The following GSE1 variants were observed in gnomAD, a reference collection of about 807,000 sequenced individuals.
The protein encoded by GSE1 is Gse1 coiled-coil protein.
Under a neutral mutation model 112.6 loss-of-function variants are expected in GSE1, and 32 were observed. That is an observed-to-expected ratio of 0.28 (90% CI 0.21 to 0.38). The LOEUF is 0.38. Ranked by LOEUF, GSE1 falls within the 10% of genes least tolerant of loss-of-function variation. GSE1 has a pLI of 1.00. For missense variants in GSE1, 2,348 were observed against 1,699.2 expected, an observed-to-expected ratio of 1.38 and a Z score of -6.71; for synonymous variants, 1,115 against 735.6, an observed-to-expected ratio of 1.52 and a Z score of -8.35.
At chr16:85,523,084 G>A (rs532229081) in intron 2 of GSE1, among the ~76,000 whole-genome samples, 1 of 151,808 alleles carries the variant, frequency 6.6e-6, no homozygotes, top group East Asian at 1.9e-4. Flanking sequence ...TGTTGTGTGT[G>A]GCCTGTGTGT....
chr16:85,509,120 A>G (rs1376688956), intron 2 of GSE1, among the ~76,000 whole-genome samples: 1 of 152,218 alleles, frequency 6.6e-6, no homozygotes, highest in African/African-American at 2.4e-5. Context: ...AGACACGGAC[A>G]AAGGCTGGAA....
intron 1 of GSE1, among the ~76,000 whole-genome samples, chr16:85,219,763 G>T (rs2075361188): frequency 6.6e-6 from 1 of 152,192 alleles, no homozygotes; most frequent in South Asian, 2.1e-4. Context: ...CCTTCTGCAA[G>T]CCACAGCCCC....
intron 2 of GSE1, among the ~76,000 whole-genome samples, chr16:85,514,898 T>C (rs2051874845): frequency 6.6e-6 from 1 of 152,112 alleles, no homozygotes; most frequent in African/African-American, 2.4e-5. Context: ...TGCATGCACA[T>C]GTGCGTGTGT....
intron 2 of GSE1, among the ~76,000 whole-genome samples, chr16:85,509,286 G>A (rs556780224): frequency 3.3e-5 from 5 of 152,344 alleles, no homozygotes; most frequent in Admixed American, 6.5e-5. Context: ...AGTCCTGGTC[G>A]TGGGAAGGCA....
rs2048356055 is a variant in GSE1 at position 85,408,009 on chromosome 16, A to G, written c.2464+50366A>G. On this transcript the variant is annotated intron_variant, in intron 2 of 2. Transcript: ENST00000637419. ...CTGTTACACTCAGGGCCCCCTGGAT[A>G]ATCCTCACTGTTACACTCAGGGCCC... 3.8e-5 allele frequency among the ~76,000 whole-genome samples: 2 copies of G among 52,630 alleles called. 1 individual carries two copies. Among genetic ancestry groups the G allele is most frequent in the South Asian group, 1.9e-3 (2 of 1,080 alleles). The allele number at this position is 52,630 out of a possible 152,430, so 34.5% of individuals were successfully genotyped here.
chr16:85,351,083 AG>A (rs2046842207), intron 1 of GSE1, among the ~76,000 whole-genome samples: 1 of 152,144 alleles, frequency 6.6e-6, no homozygotes, highest in African/African-American at 2.4e-5. Flanking sequence ...CAAGGCCTGG[AG>A]GGGTGAATCA....
At chr16:85,227,788 T>C (rs576610812) in intron 1 of GSE1, among the ~76,000 whole-genome samples, 6 of 152,284 alleles carry the variant, frequency 3.9e-5, no homozygotes, top group Admixed American at 6.5e-5. Context: ...GATTGATGGG[T>C]TGACTGATTG....
At chr16:85,322,726 C>A (rs2046137255) in intron 1 of GSE1, among the ~76,000 whole-genome samples, 1 of 151,726 alleles carries the variant, frequency 6.6e-6, no homozygotes, top group Admixed American at 6.6e-5. Flanking sequence ...AGCGATTCTC[C>A]TGCGTCAGCC....
intron 1 of GSE1, among the ~76,000 whole-genome samples, chr16:85,194,616 T>C (rs962608198): frequency 6.6e-6 from 1 of 152,134 alleles, no homozygotes; most frequent in South Asian, 2.1e-4. Flanking sequence ...GTTGGGATTT[T>C]TTTTCCCCCT....
At chr16:85,596,962 G>T (rs1017353140) in intron 1 of GSE1, among the ~76,000 whole-genome samples, 3 of 150,450 alleles carry the variant, frequency 2.0e-5, no homozygotes, top group Non-Finnish European at 2.9e-5. Context: ...CTTTGTAGTT[G>T]TTTTTTTGTT....
chr16:85,569,995 A>C (rs1188744522), intron 1 of GSE1, among the ~76,000 whole-genome samples: 1 of 152,098 alleles, frequency 6.6e-6, no homozygotes, highest in Non-Finnish European at 1.5e-5. Context: ...GAGAAAAGTG[A>C]GGTTTCTGGT....
At chr16:85,454,359 G>C (rs937044040) in intron 2 of GSE1, among the ~76,000 whole-genome samples, 1 of 152,224 alleles carries the variant, frequency 6.6e-6, no homozygotes, top group Non-Finnish European at 1.5e-5. Flanking sequence ...ATGCGGCAGG[G>C]GAGCGGCCAG....
intron 2 of GSE1, among the ~76,000 whole-genome samples, chr16:85,530,514 TTTTTCGTC>T (rs1439001642): frequency 6.6e-6 from 1 of 152,164 alleles, no homozygotes; most frequent in Non-Finnish European, 1.5e-5. Flanking sequence ...GCATGGACCA[TTTTTCGTC>T]GGAGCTATTC....
chr16:85,236,174 T>C (rs1210044673), intron 1 of GSE1, among the ~76,000 whole-genome samples: 1 of 151,930 alleles, frequency 6.6e-6, no homozygotes, highest in African/African-American at 2.4e-5. Context: ...TTTCTCCTGG[T>C]GGGGGCTGGG....
chr16:85,634,751 C>T (rs1266953257), intron 2 of GSE1, among the ~76,000 whole-genome samples: 5 of 152,186 alleles, frequency 3.3e-5, no homozygotes, highest in Non-Finnish European at 7.3e-5. Flanking sequence ...CTCTGAGCCT[C>T]ATTTTTCCTG....
At chr16:85,655,599 C>T in intron 5 of GSE1, 127 bp from the exon 6 acceptor site, 1 of 623,738 alleles carries the variant, frequency 1.6e-6, no homozygotes, top group Non-Finnish European at 2.8e-6. Context: ...GGTCTTCATC[C>T]CCAGCCATTT....
chr16:85,441,751 T>C (rs1020009932), intron 2 of GSE1, among the ~76,000 whole-genome samples: 2 of 152,112 alleles, frequency 1.3e-5, no homozygotes, highest in African/African-American at 4.8e-5. Context: ...GAAGGAAGGA[T>C]CAGAGAAAGA....
At chr16:85,397,635 T>C (rs2047998403) in intron 2 of GSE1, among the ~76,000 whole-genome samples, 1 of 152,170 alleles carries the variant, frequency 6.6e-6, no homozygotes, top group Non-Finnish European at 1.5e-5. Flanking sequence ...GCCTGGGGCC[T>C]CCCCGGAGCA....
intron 8 of GSE1, among the ~76,000 whole-genome samples, chr16:85,660,781 C>A (rs2052362814): frequency 6.6e-6 from 1 of 152,026 alleles, no homozygotes; most frequent in South Asian, 2.1e-4. Flanking sequence ...CAGGCACCCG[C>A]CACCATGCCT....
Sources: gnomAD v4.1 joint callset for allele counts (sites outside exome capture counted in the v4.1 genomes callset) on GRCh38, gnomAD v4.1.1 for gene constraint, MANE v1.5 for transcripts, NCBI Gene and HGNC (gene_info 2026-07-23, HGNC 2026-07-21) for gene names.